Variants in NCAM2 observed in about 807,000 individuals in gnomAD.
NCAM2 encodes the protein neural cell adhesion molecule 2, also known as N-CAM-2.
Under a neutral mutation model 98.1 loss-of-function variants are expected in NCAM2, and 30 were observed. The ratio of observed to expected loss-of-function variants is 0.31; its 90% CI spans 0.23 to 0.41. The LOEUF (loss-of-function observed/expected upper bound fraction) is 0.41. Ranked by LOEUF, NCAM2 falls within the 10% of genes least tolerant of loss-of-function variation. The pLI, the probability that NCAM2 is intolerant of heterozygous loss-of-function variation, is 1.00. For synonymous variants in NCAM2, 368 were observed against 342.4 expected, an observed-to-expected ratio of 1.07 and a Z score of -0.83; for missense variants, 867 against 1,005.8, an observed-to-expected ratio of 0.86 and a Z score of 1.87.
chr21:21,412,085 A>T (rs1454370386), intron 10 of NCAM2, among the ~76,000 whole-genome samples: 1 of 152,182 alleles, frequency 6.6e-6, no homozygotes, highest in Admixed American at 6.5e-5. Flanking sequence ...AATACTATAG[A>T]CAGGATGGTT....
At position 21,364,931 on chromosome 21, in the gene NCAM2, A is replaced by G. The variant is rs2075747585; in HGVS notation, c.1045-8932A>G. ...TCAGCAACAACAAAACAAAATGTACAATGTGATGGGCAGCACATTGATCCC... is the reference window on the plus strand; with the variant it reads ...TCAGCAACAACAAAACAAAATGTACGATGTGATGGGCAGCACATTGATCCC... On this transcript the variant is annotated intron_variant, in intron 8 of 17. Transcript: ENST00000400546. Among the ~76,000 whole-genome samples the G allele has an allele frequency of 2.6e-5, 4 of 152,074 alleles. No homozygotes were observed. The South Asian group carries it at 6.2e-4, about 24-fold the overall frequency.
intron 5 of NCAM2, among the ~76,000 whole-genome samples, chr21:21,314,353 C>A: frequency 6.6e-6 from 1 of 152,092 alleles, no homozygotes; most frequent in Admixed American, 6.6e-5. Context: ...GATTTCTGGT[C>A]AAAAAATTCA....
chr21:21,385,440 A>T (rs997784521), intron 9 of NCAM2, among the ~76,000 whole-genome samples: 4 of 151,550 alleles, frequency 2.6e-5, no homozygotes, highest in Non-Finnish European at 4.4e-5. Context: ...GAACAGTCTT[A>T]TACCACCTGA....
chr21:21,240,460 C>T (rs1394639056), intron 1 of NCAM2, among the ~76,000 whole-genome samples: 1 of 151,478 alleles, frequency 6.6e-6, no homozygotes, highest in Non-Finnish European at 1.5e-5. Flanking sequence ...TATTGGATAT[C>T]CAGCCAAAGG....
chr21:21,118,171 C>A (rs532012822), intron 1 of NCAM2, among the ~76,000 whole-genome samples: 1 of 152,230 alleles, frequency 6.6e-6, no homozygotes, highest in African/African-American at 2.4e-5. Context: ...TATTTGGTAA[C>A]CTTGATGCTC....
At chr21:21,526,228 A>G (rs891354360) in intron 16 of NCAM2, among the ~76,000 whole-genome samples, 9 of 152,128 alleles carry the variant, frequency 5.9e-5, no homozygotes, top group African/African-American at 2.2e-4. Flanking sequence ...CTATGAAAAA[A>G]GTCTGAAAAA....
intron 8 of NCAM2, among the ~76,000 whole-genome samples, chr21:21,358,358 C>A (rs9977302): frequency 0.64 from 97,373 of 151,778 alleles, 31,444 homozygotes; most frequent in Middle Eastern, 0.72. Flanking sequence ...GATACACTAA[C>A]TTTCAGTGGG....
chr21:21,073,197 A>G (rs1298121835), intron 1 of NCAM2, among the ~76,000 whole-genome samples: 1 of 152,206 alleles, frequency 6.6e-6, no homozygotes, highest in African/African-American at 2.4e-5. Context: ...TGCATATATC[A>G]CATTTTATTT....
intron 1 of NCAM2, among the ~76,000 whole-genome samples, chr21:21,207,084 T>C (rs954824176): frequency 2.0e-5 from 3 of 152,176 alleles, no homozygotes; most frequent in Non-Finnish European, 4.4e-5. Flanking sequence ...ATAGACATTG[T>C]GATTATTATT....
At chr21:21,331,874 A>G (rs979538215) in intron 6 of NCAM2, among the ~76,000 whole-genome samples, 4 of 149,800 alleles carry the variant, frequency 2.7e-5, no homozygotes, top group Admixed American at 6.7e-5. Flanking sequence ...GGTGTGAGCC[A>G]CCACACCTGG....
chr21:21,081,644 TACAA>T (rs1405552579), intron 1 of NCAM2, among the ~76,000 whole-genome samples: 7 of 72,756 alleles, frequency 9.6e-5, no homozygotes, highest in Non-Finnish European at 2.4e-4. Context: ...CTACCAAAAC[TACAA>T]AACGTAGCCA....
chr21:21,489,098 C>CT (rs1199998464), intron 15 of NCAM2, among the ~76,000 whole-genome samples: 1 of 152,104 alleles, frequency 6.6e-6, no homozygotes, highest in African/African-American at 2.4e-5. Flanking sequence ...ACAAGCAACA[C>CT]TCATGCCTCG....
intron 1 of NCAM2, among the ~76,000 whole-genome samples, chr21:21,025,116 C>G (rs944422869): frequency 6.6e-6 from 1 of 150,800 alleles, no homozygotes; most frequent in East Asian, 2.0e-4. Context: ...GATGGAGTCT[C>G]GCACTGTAGC....
intron 16 of NCAM2, among the ~76,000 whole-genome samples, chr21:21,527,525 C>T (rs1989393841): frequency 6.6e-6 from 1 of 151,826 alleles, no homozygotes; most frequent in South Asian, 2.1e-4. Flanking sequence ...AAGAAGAGCC[C>T]AATTAGAAAG....
chr21:21,130,737 T>G (rs1047922105), intron 1 of NCAM2, among the ~76,000 whole-genome samples: 1 of 152,040 alleles, frequency 6.6e-6, no homozygotes, highest in Non-Finnish European at 1.5e-5. Flanking sequence ...ATTACCAATT[T>G]TTTTTTGGTG....
intron 1 of NCAM2, among the ~76,000 whole-genome samples, chr21:21,094,634 A>G (rs1178488856): frequency 1.3e-5 from 2 of 151,892 alleles, no homozygotes; most frequent in East Asian, 3.9e-4. Flanking sequence ...CAGTTATGTC[A>G]ACATTTCTAA....
At chr21:21,294,983 G>A (rs1485717315) in intron 5 of NCAM2, among the ~76,000 whole-genome samples, 1 of 151,612 alleles carries the variant, frequency 6.6e-6, no homozygotes, top group East Asian at 1.9e-4. Flanking sequence ...GCCCTATTCT[G>A]TTCCTCTCAG....
chr21:21,233,433 T>G (rs745398824), intron 1 of NCAM2, among the ~76,000 whole-genome samples: 2 of 151,676 alleles, frequency 1.3e-5, no homozygotes, highest in Non-Finnish European at 3.0e-5. Flanking sequence ...AAATATATGT[T>G]TCTTAACTCC....
intron 1 of NCAM2, among the ~76,000 whole-genome samples, chr21:21,027,183 A>G (rs1319905239): frequency 1.3e-5 from 2 of 152,080 alleles, no homozygotes; most frequent in Non-Finnish European, 2.9e-5. Flanking sequence ...CTGAGTTATA[A>G]TTTTTTAATT....
Sources: allele counts gnomAD v4.1 joint callset (sites outside exome capture counted in the v4.1 genomes callset), GRCh38; gene constraint gnomAD v4.1.1; transcripts MANE v1.5; gene names NCBI Gene and HGNC (gene_info 2026-07-23, HGNC 2026-07-21).